MSH6: variants seen among roughly 807,000 people sequenced by gnomAD.
MSH6 encodes the protein DNA mismatch repair protein Msh6.
A neutral mutation model predicts 119.1 loss-of-function variants in MSH6; 85 were observed. The ratio of observed to expected loss-of-function variants is 0.71; its 90% CI spans 0.60 to 0.85. MSH6 has a LOEUF of 0.85. Among genes scored for constraint, MSH6 ranks in the 40% least tolerant of loss-of-function variants. The probability of loss-of-function intolerance (pLI) is 0.00; values close to 1 mark genes in which losing one functional copy is unlikely to be tolerated. For synonymous variants in MSH6, 830 were observed against 586.9 expected, an observed-to-expected ratio of 1.41 and a Z score of -5.99; for missense variants, 2,163 against 1,655.3, an observed-to-expected ratio of 1.31 and a Z score of -5.32.
intron 1 of MSH6, chr2:47,784,172 G>C (rs1572699717): frequency 3.0e-6 from 3 of 1,004,632 alleles, no homozygotes; most frequent in Non-Finnish European, 3.6e-6. Flanking sequence ...CATGGGGACC[G>C]CGGGGCCTAA....
chr2:47,797,908 GCTCAAACTCAAGC>G (rs1198879902), intron 3 of MSH6: 1 of 220,872 alleles, frequency 4.5e-6, no homozygotes, highest in African/African-American at 2.3e-5. Flanking sequence ...TTGCACATGA[GCTCAAACTCAAGC>G]CTCAGCACAA....
At chr2:47,785,116 CCGG>C (rs1668270038) in intron 1 of MSH6, 1 of 152,036 alleles carries the variant, frequency 6.6e-6, no homozygotes, top group Non-Finnish European at 1.5e-5. Flanking sequence ...ACCACCGAGC[CCGG>C]CCGTTTGTCA....
chr2:47,803,524 G>A lies in MSH6; in HGVS notation c.3277G>A (p.Gly1093Arg), dbSNP rs876659302. Residue 1093 changes from glycine to arginine, a missense_variant, in exon 5 of 10, where the codon GGA (glycine) becomes AGA (arginine). By Grantham distance (125) the Gly-to-Arg change is moderately radical. Coordinates refer to ENST00000234420, the MANE Select transcript of MSH6 (RefSeq NM_000179.3). ...TACCCCCCCCTTCTTAGAGCTTAAA[G>A]GATCACGCCATCCTTGCATTACGAA... ...EDTPPFLELK[G>R]SRHPCITKTF... 4 of 1,614,110 alleles carry A rather than the reference G, an allele frequency of 2.5e-6. No homozygotes were observed. In the South Asian group the frequency reaches 3.3e-5, roughly 13 times the overall value.
chr2:47,796,200 T>A, intron 3 of MSH6, 137 bp downstream of exon 3: 1 of 906,212 alleles, frequency 1.1e-6, no homozygotes, highest in South Asian at 1.4e-5. Context: ...CATGCATACT[T>A]CTGTAGTTCC....
intron 3 of MSH6, among the ~76,000 whole-genome samples, chr2:47,797,547 T>G (rs535718757): frequency 3.3e-5 from 5 of 152,234 alleles, no homozygotes; most frequent in Non-Finnish European, 7.3e-5. Context: ...TGCTTTCTTA[T>G]GCTATTAATG....
At chr2:47,798,325 C>G (rs1486619138) in intron 3 of MSH6, among the ~76,000 whole-genome samples, 1 of 152,204 alleles carries the variant, frequency 6.6e-6, no homozygotes, top group South Asian at 2.1e-4. Flanking sequence ...GTGTTTAATA[C>G]ACCTACCCCA....
rs3136347 is a variant in MSH6, at chr2:47,802,987, T to C, written c.3173-433T>C. On this transcript the variant is annotated intron_variant, in intron 4 of 9. Coordinates refer to ENST00000234420, the MANE Select transcript of MSH6 (RefSeq NM_000179.3). ...AGTGCATTGGTGCGATCTTGGCTCA[T>C]TGCAACCTCTGCCTCCCAGGTTCAA... Among the ~76,000 whole-genome samples, 429 of 151,946 alleles carry C rather than the reference T, an allele frequency of 2.8e-3. 2 individuals are homozygous for C. The highest frequency in any genetic ancestry group is 0.01 in the African/African-American group (415 of 41,444).
rs140536762 is a variant in MSH6 at position 47,792,457 on chromosome 2, C to G, written c.457+1334C>G. Among the ~76,000 whole-genome samples the G allele has an allele frequency of 1.6e-3, 250 of 152,326 alleles. 4 individuals carry two copies. The East Asian group carries it at 0.018, about 11-fold the overall frequency. On this transcript the variant is annotated intron_variant, in intron 2 of 9. Coordinates refer to ENST00000234420, the MANE Select transcript of MSH6 (RefSeq NM_000179.3). ...AAAGAGAATTGGGAAGTTTTGTTCT[C>G]TCTTCTACCAACTTGCCACATAATC...
At chr2:47,785,590 G>A (rs1287117413) in intron 1 of MSH6, among the ~76,000 whole-genome samples, 1 of 152,190 alleles carries the variant, frequency 6.6e-6, no homozygotes, top group Non-Finnish European at 1.5e-5. Context: ...AAGGAATTCT[G>A]AGATTTTTCT....
intron 1 of MSH6, among the ~76,000 whole-genome samples, chr2:47,789,127 TC>T (rs1668571212): frequency 6.6e-6 from 1 of 151,220 alleles, no homozygotes; most frequent in Non-Finnish European, 1.5e-5. Context: ...GGTTTCACCA[TC>T]TTGGCCAGGC....
In MSH6 at chr2:47,800,942, A is replaced by G. The variant is rs746631156; in HGVS notation, c.2959A>G (p.Thr987Ala). ...GCTGGAAATTCCTGAGAATTTCACC[A>G]CTCGCAATTTGCCAGAAGAATACGA... ...YQLEIPENFT[T>A]RNLPEEYELK... Residue 987 changes from threonine (T) to alanine (A), a missense_variant, in exon 4 of 10, where the codon ACT (threonine) becomes GCT (alanine). Thr to Ala is a moderately conservative substitution (Grantham distance 58, BLOSUM62 0). Transcript: ENST00000234420. 8.9e-6 allele frequency: 14 copies of G among 1,574,126 alleles called. No individual in the cohort carries two copies. The highest frequency in any genetic ancestry group is 2.7e-5 in the African/African-American group (2 of 73,210).
intron 9 of MSH6, 53 bp from the exon 10 acceptor site, chr2:47,806,726 G>A (rs2104572797): frequency 2.6e-6 from 4 of 1,540,226 alleles, no homozygotes; most frequent in Non-Finnish European, 3.5e-6. Context: ...GGGAAGGGAT[G>A]ATGCACTATG....
chr2:47,796,959 C>T (rs1669134633), intron 3 of MSH6, among the ~76,000 whole-genome samples: 1 of 152,004 alleles, frequency 6.6e-6, no homozygotes, highest in Admixed American at 6.6e-5. Context: ...GCCAGGGTGA[C>T]AGAGCAAGAA....
downstream of MSH6, chr2:47,808,532 A>G (rs1184058437): frequency 5.0e-6 from 5 of 995,048 alleles, no homozygotes; most frequent in African/African-American, 3.3e-5. Flanking sequence ...GAGGACCAAA[A>G]CAAAATTCTT....
intron 4 of MSH6, among the ~76,000 whole-genome samples, chr2:47,803,093 T>A (rs76957087): frequency 6.6e-6 from 1 of 152,132 alleles, no homozygotes; most frequent in East Asian, 1.9e-4. Flanking sequence ...AATTTCTGTA[T>A]TTTTAGTAGA....
intron 1 of MSH6, among the ~76,000 whole-genome samples, chr2:47,788,164 T>C (rs573900846): frequency 6.6e-6 from 1 of 152,176 alleles, no homozygotes; most frequent in East Asian, 1.9e-4. Context: ...CTTTTTAGCA[T>C]TGGAGGAACT....
chr2:47,796,462 A>C (rs1359083899), intron 3 of MSH6, among the ~76,000 whole-genome samples: 2 of 152,160 alleles, frequency 1.3e-5, no homozygotes, highest in Non-Finnish European at 2.9e-5. Flanking sequence ...GGCTGGTCTC[A>C]AACTCCTGAG....
rs1553414015 is a variant in MSH6 at position 47,800,669 on chromosome 2, A to G, written c.2686A>G (p.Lys896Glu). ...ILKQVISLQT[K>E]NPEGRFPDLT... ...TAAGCAGGTCATCTCTCTGCAGACA[A>G]AAAATCCTGAAGGTCGTTTTCCTGA... Residue 896 changes from lysine to glutamate, a missense_variant, in exon 4 of 10, where the codon AAA becomes GAA. By Grantham distance (56) the Lys-to-Glu change is moderately conservative. Coordinates refer to ENST00000234420, the MANE Select transcript of MSH6 (RefSeq NM_000179.3). 3 of 1,614,206 alleles carry G rather than the reference A, an allele frequency of 1.9e-6. No individual in the cohort carries two copies. Among genetic ancestry groups the G allele is most frequent in the Middle Eastern group, 3.3e-4 (2 of 6,062 alleles).
At position 47,798,633 on chromosome 2, in the gene MSH6, A is replaced by AT. The variant is rs63750955; in HGVS notation, c.651dup (p.Lys218Ter). On this transcript the variant is annotated frameshift_variant, in exon 4 of 10. Transcript: ENST00000234420. LOFTEE classifies it high-confidence loss of function. ...CAGGTAGGCACAACTTACGTAACAG[A>AT]TAAGAGTGAAGAAGATAATGAAATT... is the stretch of plus-strand genomic sequence containing the variant. 1.9e-6 allele frequency: 3 copies of AT among 1,611,658 alleles called. No individual in the cohort carries two copies. Among genetic ancestry groups the AT allele is most frequent in the Non-Finnish European group, 2.5e-6 (3 of 1,179,976 alleles).
Sources: allele counts gnomAD v4.1 joint callset (sites outside exome capture counted in the v4.1 genomes callset), GRCh38; gene constraint gnomAD v4.1.1; transcripts MANE v1.5; gene names NCBI Gene and HGNC (gene_info 2026-07-23, HGNC 2026-07-21).